The following NOS1 variants were observed in gnomAD, a reference collection of about 807,000 sequenced individuals.
NOS1 encodes NOS type I.
A neutral mutation model predicts 164.5 loss-of-function variants in NOS1; 51 were observed. That is an observed-to-expected ratio of 0.31 (90% CI 0.25 to 0.39). The LOEUF (loss-of-function observed/expected upper bound fraction) is 0.39. Among genes scored for constraint, NOS1 ranks in the 10% least tolerant of loss-of-function variants. NOS1 has a pLI of 1.00. For synonymous variants in NOS1, 719 were observed against 745.8 expected (o/e 0.96, Z 0.59); for missense variants, 1,362 against 1,885.6 (o/e 0.72, Z 5.14).
intron 10 of NOS1, among the ~76,000 whole-genome samples, chr12:117,268,428 C>G (rs1158187647): frequency 1.4e-4 from 21 of 151,668 alleles, no homozygotes; most frequent in Non-Finnish European, 1.3e-4. Flanking sequence ...GACGGGGTTT[C>G]ACCATGTTGG....
Position 117,208,337 on chromosome 12 carries a change from A to C in NOS1, c.*6972T>G. ...GCTGGAGCACAGGGACACTTGGCAG[A>C]GATTAGCAGCATTGAGAGCTCAGAG... On this transcript the variant is annotated 3_prime_UTR_variant, in exon 29 of 29. Coordinates refer to ENST00000317775, the MANE Select transcript of NOS1 (RefSeq NM_000620.5). 2.3e-6 allele frequency: 3 copies of C among 1,288,196 alleles called. No individual in the cohort carries two copies. Among genetic ancestry groups the C allele is most frequent in the South Asian group, 2.5e-5 (2 of 81,006 alleles). 79.8% of individuals were successfully genotyped at this position (1,288,196 alleles called of 1,614,324 possible).
intron 11 of NOS1, among the ~76,000 whole-genome samples, chr12:117,265,814 G>A (rs1325818112): frequency 6.7e-6 from 1 of 150,366 alleles, no homozygotes; most frequent in South Asian, 2.1e-4. Flanking sequence ...TTTTTGAGAC[G>A]GAGTCTTGCT....
chr12:117,325,289 G>T (rs1278108794), intron 2 of NOS1, among the ~76,000 whole-genome samples: 1 of 152,202 alleles, frequency 6.6e-6, no homozygotes, highest in Non-Finnish European at 1.5e-5. Context: ...AGCCAGGACT[G>T]CCCGTCACAA....
intron 10 of NOS1, among the ~76,000 whole-genome samples, chr12:117,270,650 C>T (rs1050816063): frequency 1.3e-5 from 2 of 151,808 alleles, no homozygotes; most frequent in African/African-American, 4.8e-5. Context: ...AAAAAAGAAA[C>T]CCTTAAAAAA....
chr12:117,312,478 C>T (rs1460526529), intron 2 of NOS1, among the ~76,000 whole-genome samples: 1 of 152,170 alleles, frequency 6.6e-6, no homozygotes, highest in Non-Finnish European at 1.5e-5. Flanking sequence ...CACAGTGGCA[C>T]AATCACAACT....
At chr12:117,315,461 A>G (rs975784170) in intron 2 of NOS1, among the ~76,000 whole-genome samples, 5 of 152,174 alleles carry the variant, frequency 3.3e-5, no homozygotes, top group African/African-American at 9.6e-5. Flanking sequence ...TGATCCACCC[A>G]GGAAGGATAT....
chr12:117,223,638 G>A (rs1868393253), intron 25 of NOS1, among the ~76,000 whole-genome samples: 1 of 152,024 alleles, frequency 6.6e-6, no homozygotes, highest in African/African-American at 2.4e-5. Context: ...GTGCAGTGGT[G>A]TGATCTTGGC....
In NOS1 at chr12:117,308,830, C is replaced by T. The variant is rs562439454; in HGVS notation, c.852+2636G>A. ...CAGGCTGGTCTTGAACTCTTGACCT[C>T]GTGATTTGCCTCCCTCGGCCTCCCA... On this transcript the variant is annotated intron_variant, in intron 3 of 28. Coordinates refer to ENST00000317775, the MANE Select transcript of NOS1 (RefSeq NM_000620.5). Among the ~76,000 whole-genome samples, 57 of 152,058 alleles carry T rather than the reference C, an allele frequency of 3.7e-4. 1 individual carries two copies. Among genetic ancestry groups the T allele is most frequent in the African/African-American group, 1.3e-3 (56 of 41,502 alleles).
At chr12:117,219,774 G>A (rs1054175492) in intron 27 of NOS1, among the ~76,000 whole-genome samples, 1 of 152,162 alleles carries the variant, frequency 6.6e-6, no homozygotes, top group African/African-American at 2.4e-5. Context: ...TGCAGCTTCT[G>A]GGGCAGGAGA....
intron 1 of NOS1, among the ~76,000 whole-genome samples, chr12:117,349,471 A>G (rs750122199): frequency 2.0e-5 from 3 of 152,244 alleles, no homozygotes; most frequent in African/African-American, 4.8e-5. Context: ...TCAATTCTTA[A>G]GAAGTACAAG....
rs1870359872 is a variant in NOS1 at position 117,243,539 on chromosome 12, A to G, written c.2824-104T>C. The G allele has an allele frequency of 3.1e-6, 4 of 1,290,824 alleles. No individual in the cohort carries two copies. The highest frequency in any genetic ancestry group is 2.1e-5 in the Admixed American group (1 of 48,510). 80.0% of individuals were successfully genotyped at this position (1,290,824 alleles called of 1,614,324 possible). ...TATCTCTTCATTCACCCATCCATCC[A>G]TCTATCCAACCATCCATCCATCCAT... On this transcript the variant is annotated intron_variant, in intron 18 of 28. Coordinates refer to ENST00000317775, the MANE Select transcript of NOS1 (RefSeq NM_000620.5). The surrounding 1 kb of genome is among the most constrained non-coding windows in gnomAD (Gnocchi z 4.3).
rs1355972894 is a variant in NOS1 at position 117,234,139 on chromosome 12, T to C, written c.3235+426A>G. On this transcript the variant is annotated intron_variant, in intron 21 of 28. Transcript: ENST00000317775. The surrounding 1 kb of genome is among the most constrained non-coding windows in gnomAD (Gnocchi z 4.3). ...TAAAAAACGTGGGCTCAATCCCTAG[T>C]TGGCCATCGAGCTTCCTATAGTACC... 6.6e-6 allele frequency among the ~76,000 whole-genome samples: 1 copy of C among 152,170 alleles called. No individual in the cohort carries two copies. The highest frequency in any genetic ancestry group is 1.5e-5 in the Non-Finnish European group (1 of 68,030).
In NOS1 at chr12:117,262,796, C is replaced by T. The variant is rs533987521; in HGVS notation, c.2222+1093G>A. 5.9e-5 allele frequency among the ~76,000 whole-genome samples: 9 copies of T among 152,154 alleles called. No individual in the cohort carries two copies. The South Asian group carries it at 1.0e-3, about 18-fold the overall frequency. The stretch of plus-strand genomic sequence containing the variant: ...TTTTGGGGCAGAAGGCTGGCATCCC[C>T]GTTAAATCAACTTAGTTAACCCCAT... On this transcript the variant is annotated intron_variant, in intron 13 of 28. Coordinates refer to ENST00000317775, the MANE Select transcript of NOS1 (RefSeq NM_000620.5).
At chr12:117,329,822 G>A (rs567194962) in intron 2 of NOS1, among the ~76,000 whole-genome samples, 4 of 152,156 alleles carry the variant, frequency 2.6e-5, no homozygotes, top group South Asian at 4.2e-4. Context: ...AGAATTTTAC[G>A]CATCCTGGAC....
rs529176699 is a variant in NOS1 at position 117,322,571 on chromosome 12, C to T, written c.725+7774G>A. On this transcript the variant is annotated intron_variant, in intron 2 of 28. Coordinates refer to ENST00000317775, the MANE Select transcript of NOS1 (RefSeq NM_000620.5). ...TCCTTCCTTCCCTGTCCCTCCTCCC[C>T]TCCCTCCCTCTTTTCTTCTTTCCCT... Among the ~76,000 whole-genome samples the T allele has an allele frequency of 2.7e-3, 368 of 137,804 alleles. 1 individual carries two copies. Among genetic ancestry groups the T allele is most frequent in the African/African-American group, 9.2e-3 (336 of 36,678 alleles). 90.4% of individuals were successfully genotyped at this position (137,804 alleles called of 152,430 possible).
intron 3 of NOS1, among the ~76,000 whole-genome samples, chr12:117,309,878 C>T (rs1299574714): frequency 1.3e-5 from 2 of 152,148 alleles, no homozygotes; most frequent in Non-Finnish European, 2.9e-5. Context: ...TTTGGCCCAA[C>T]AATCCCACTT....
chr12:117,316,981 A>C (rs1475399256), intron 2 of NOS1, among the ~76,000 whole-genome samples: 1 of 152,118 alleles, frequency 6.6e-6, no homozygotes, highest in African/African-American at 2.4e-5. Flanking sequence ...CCTGGGTTCA[A>C]GCAATTCTCC....
At position 117,214,195 on chromosome 12, in the gene NOS1, A is replaced by G; in HGVS notation, c.*1114T>C. The stretch of plus-strand genomic sequence containing the variant: ...TGAAGCAGCAAGCCCGCTTTGGGGG[A>G]ATAAAAAAATAATAATCATATTGTT... On this transcript the variant is annotated 3_prime_UTR_variant, in exon 29 of 29. Transcript: ENST00000317775. 1 of 985,356 alleles carries G rather than the reference A, an allele frequency of 1.0e-6. No individual in the cohort carries two copies. Among genetic ancestry groups the G allele is most frequent in the Middle Eastern group, 5.2e-4 (1 of 1,914 alleles). The allele number at this position is 985,356 out of a possible 1,614,324, so 61.0% of individuals were successfully genotyped here. A position where few individuals can be genotyped will look rare whatever the true frequency, so the allele number is the denominator to read the frequency against.
chr12:117,258,582 G>A (rs993513220), intron 15 of NOS1, 127 bp from the exon 16 acceptor site: 12 of 883,382 alleles, frequency 1.4e-5, no homozygotes, highest in Non-Finnish European at 2.2e-5. Context: ...GATGTCAGGA[G>A]CGGTCAGGGG....
Sources: gnomAD v4.1 joint callset for allele counts (sites outside exome capture counted in the v4.1 genomes callset) on GRCh38, gnomAD v4.1.1 for gene constraint, Gnocchi (gnomAD v3.1) non-coding constraint, MANE v1.5 for transcripts, NCBI Gene and HGNC (gene_info 2026-07-23, HGNC 2026-07-21) for gene names.